COG2: variants seen among roughly 807,000 people sequenced by gnomAD.
COG2 encodes the protein conserved oligomeric Golgi complex subunit 2.
A neutral mutation model predicts 90.6 loss-of-function variants in COG2; 52 were observed. The ratio of observed to expected loss-of-function variants is 0.57; its 90% CI spans 0.46 to 0.72. The LOEUF (loss-of-function observed/expected upper bound fraction) is 0.72, where lower values mean the gene tolerates loss of function less well. Ranked by LOEUF, COG2 falls within the 30% of genes least tolerant of loss-of-function variation. The pLI is 0.00. For missense variants in COG2, 829 were observed against 891.2 expected, an observed-to-expected ratio of 0.93 and a Z score of 0.89; for synonymous variants, 337 against 320.4, an observed-to-expected ratio of 1.05 and a Z score of -0.55.
At chr1:230,642,945 A>G in intron 1 of COG2, 2 of 477,136 alleles carry the variant, frequency 4.2e-6, no homozygotes, top group Non-Finnish European at 7.4e-6. Context: ...TGTCAAAGCC[A>G]CTGTTACCCG....
chr1:230,657,872 G>A (rs1662101902), intron 1 of COG2, among the ~76,000 whole-genome samples: 1 of 151,816 alleles, frequency 6.6e-6, no homozygotes, highest in Non-Finnish European at 1.5e-5. Flanking sequence ...ATTGATACTT[G>A]TGTGTGCTCC....
At chr1:230,646,560 A>G (rs969303131) in intron 1 of COG2, among the ~76,000 whole-genome samples, 5 of 152,140 alleles carry the variant, frequency 3.3e-5, no homozygotes, top group Non-Finnish European at 5.9e-5. Flanking sequence ...CCACGTGTAG[A>G]CAGGTGAAAG....
intron 5 of COG2, among the ~76,000 whole-genome samples, chr1:230,665,737 T>A (rs925104175): frequency 6.6e-6 from 1 of 152,218 alleles, no homozygotes. Context: ...TTCCCCTTCA[T>A]CTGCGCTCAT....
intron 1 of COG2, among the ~76,000 whole-genome samples, chr1:230,649,587 T>TC (rs35701380): frequency 6.6e-6 from 1 of 152,216 alleles, no homozygotes; most frequent in Non-Finnish European, 1.5e-5. Context: ...TTTTCTCATT[T>TC]CCCCATTAGA....
At chr1:230,688,705 G>A (rs1662948678) in intron 15 of COG2, 143 bp downstream of exon 15, 2 of 938,630 alleles carry the variant, frequency 2.1e-6, no homozygotes, top group African/African-American at 1.6e-5. Context: ...TGGTATTGAT[G>A]AAGAGAGGGA....
intron 11 of COG2, among the ~76,000 whole-genome samples, 178 bp downstream of exon 11, chr1:230,683,813 A>G (rs1333185606): frequency 6.7e-6 from 1 of 149,864 alleles, no homozygotes; most frequent in Non-Finnish European, 1.5e-5. Context: ...TTTTTTTGAG[A>G]TGGAGTCTCG....
intron 8 of COG2, among the ~76,000 whole-genome samples, chr1:230,673,350 T>A (rs1662503114): frequency 6.6e-6 from 1 of 152,216 alleles, no homozygotes; most frequent in African/African-American, 2.4e-5. Context: ...CTTCCCTTGC[T>A]CGGCTCCTGG....
chr1:230,648,936 T>C (rs1661850584), intron 1 of COG2, among the ~76,000 whole-genome samples: 1 of 152,158 alleles, frequency 6.6e-6, no homozygotes, highest in Admixed American at 6.5e-5. Context: ...TTGTCATTAG[T>C]GTTAAACTGG....
chr1:230,661,930 G>A (rs1040171234), intron 3 of COG2, among the ~76,000 whole-genome samples: 7 of 151,998 alleles, frequency 4.6e-5, no homozygotes, highest in African/African-American at 1.7e-4. Context: ...TGGCTCTTGG[G>A]TGGCTCTCCT....
At chr1:230,664,691 A>G (rs1268905630) in intron 5 of COG2, 104 bp downstream of exon 5, 8 of 566,064 alleles carry the variant, frequency 1.4e-5, no homozygotes, top group Middle Eastern at 4.4e-4. Flanking sequence ...ATCCCAGTCT[A>G]TGGCTTAGTG....
intron 12 of COG2, among the ~76,000 whole-genome samples, chr1:230,685,781 G>A (rs576267861): frequency 4.6e-5 from 7 of 152,170 alleles, no homozygotes; most frequent in Non-Finnish European, 7.3e-5. Context: ...CCACAAGGGC[G>A]TTGGTCCAGT....
At position 230,642,658 on chromosome 1, in the gene COG2, G is replaced by T. The variant is rs747276603; in HGVS notation, c.52G>T (p.Asp18Tyr). The T allele has an allele frequency of 4.3e-6, 7 of 1,613,014 alleles. No individual in the cohort carries two copies. In the South Asian group the frequency reaches 7.7e-5, roughly 18 times the overall value. ...LPKGPDTLCFDKDEFMKEDFD... is the reference protein window; with the variant it reads ...LPKGPDTLCFYKDEFMKEDFD... ...CAAGGGGCCGGACACGCTCTGCTTC[G>T]ACAAGGACGAGTTCATGAAGGTGCG... Residue 18 changes from aspartate (D) to tyrosine (Y), a missense_variant, in exon 1 of 18, where the codon GAC becomes TAC. Asp to Tyr is a radical substitution (Grantham distance 160, BLOSUM62 -3). Transcript: ENST00000366669.
chr1:230,675,913 C>T lies in COG2; in HGVS notation c.1026+789C>T, dbSNP rs560498292. Among the ~76,000 whole-genome samples, 7 of 151,992 alleles carry T rather than the reference C, an allele frequency of 4.6e-5. No homozygotes were observed. In the South Asian group the frequency reaches 1.5e-3, roughly 32 times the overall value. ...CATGCACTCCTTCCCCCTCAACCTT[C>T]CAAAGTGCTAGGATTTCAGCCCCCA... On this transcript the variant is annotated intron_variant, in intron 9 of 17. Transcript: ENST00000366669.
intron 8 of COG2, among the ~76,000 whole-genome samples, 157 bp downstream of exon 8, chr1:230,671,797 G>T (rs1392579716): frequency 6.6e-6 from 1 of 152,176 alleles, no homozygotes; most frequent in Non-Finnish European, 1.5e-5. Flanking sequence ...GTGATACTGT[G>T]AGGCAGATTC....
intron 12 of COG2, among the ~76,000 whole-genome samples, chr1:230,686,585 G>A (rs954555351): frequency 6.6e-6 from 1 of 151,978 alleles, no homozygotes; most frequent in Non-Finnish European, 1.5e-5. Flanking sequence ...AATGTATTAC[G>A]CTATGTTATT....
At chr1:230,652,480 A>G (rs905628913) in intron 1 of COG2, among the ~76,000 whole-genome samples, 1 of 152,238 alleles carries the variant, frequency 6.6e-6, no homozygotes, top group Non-Finnish European at 1.5e-5. Flanking sequence ...ATTTGCTTCC[A>G]AGTTTTGGCA....
intron 10 of COG2, chr1:230,681,515 A>G (rs933937498): frequency 6.6e-6 from 1 of 152,178 alleles, no homozygotes; most frequent in African/African-American, 2.4e-5. Flanking sequence ...AGGCATCACT[A>G]TTATTATCGC....
chr1:230,663,187 G>C lies in COG2; in HGVS notation c.347G>C (p.Arg116Pro). Residue 116 changes from arginine to proline, a missense_variant, in exon 4 of 18, where the codon CGA becomes CCA. Transcript: ENST00000366669. Reference sequence around the variant, plus strand: ...GAAGGAATTCGGGCAGTTGATGAACGAATGTCTAAACAAGAGGACATTAGG... The same window carrying C: ...GAAGGAATTCGGGCAGTTGATGAACCAATGTCTAAACAAGAGGACATTAGG... ...VSEGIRAVDE[R>P]MSKQEDIRKK... 1 of 1,610,338 alleles carries C rather than the reference G, an allele frequency of 6.2e-7. No individual in the cohort carries two copies. Among genetic ancestry groups the C allele is most frequent in the South Asian group, 1.1e-5 (1 of 90,584 alleles).
At chr1:230,667,851 A>T (rs1662356213) in intron 5 of COG2, among the ~76,000 whole-genome samples, 1 of 152,196 alleles carries the variant, frequency 6.6e-6, no homozygotes, top group African/African-American at 2.4e-5. Context: ...CAGTATACAC[A>T]GCAAGTGATT....
Sources: gnomAD v4.1 joint callset for allele counts (sites outside exome capture counted in the v4.1 genomes callset) on GRCh38, gnomAD v4.1.1 for gene constraint, MANE v1.5 for transcripts, NCBI Gene and HGNC (gene_info 2026-07-23, HGNC 2026-07-21) for gene names.